The following CACNA1C variants were observed in gnomAD, a reference collection of about 807,000 sequenced individuals.
CACNA1C encodes the protein voltage-dependent L-type calcium channel subunit alpha-1C.
A neutral mutation model predicts 229.0 loss-of-function variants in CACNA1C; 30 were observed. The observed-to-expected ratio is 0.13, with a 90% CI of 0.10 to 0.18. The LOEUF (loss-of-function observed/expected upper bound fraction) is 0.18, where lower values mean the gene tolerates loss of function less well. Among genes scored for constraint, CACNA1C ranks in the 10% least tolerant of loss-of-function variants. The pLI is 1.00. For missense variants in CACNA1C, 1,658 were observed against 2,845.0 expected, an observed-to-expected ratio of 0.58 and a Z score of 9.49; for synonymous variants, 1,114 against 1,132.5, an observed-to-expected ratio of 0.98 and a Z score of 0.33.
intron 3 of CACNA1C, among the ~76,000 whole-genome samples, chr12:2,360,449 G>A (rs1450675156): frequency 6.6e-6 from 1 of 152,128 alleles, no homozygotes; most frequent in Non-Finnish European, 1.5e-5. Flanking sequence ...AAGAACCCCT[G>A]CGTCTCTCCC....
At chr12:2,662,122 G>A (rs1291822535) in intron 34 of CACNA1C, among the ~76,000 whole-genome samples, 1 of 151,924 alleles carries the variant, frequency 6.6e-6, no homozygotes, top group African/African-American at 2.4e-5. Context: ...GGCGCCTGTA[G>A]TCCCAGCTAC....
At chr12:2,129,107 C>T (rs755693255) in intron 3 of CACNA1C, among the ~76,000 whole-genome samples, 6 of 152,166 alleles carry the variant, frequency 3.9e-5, no homozygotes, top group East Asian at 1.9e-4. Context: ...ATGGTGTTCC[C>T]GGGCTCACAC....
intron 3 of CACNA1C, among the ~76,000 whole-genome samples, chr12:2,373,600 C>A (rs546206200): frequency 1.3e-5 from 2 of 151,922 alleles, no homozygotes; most frequent in Non-Finnish European, 2.9e-5. Flanking sequence ...ATTCAGGGGC[C>A]GCAGCTGTAG....
Position 2,354,892 on chromosome 12 carries a change from G to A in CACNA1C, c.478-94084G>A, listed in dbSNP as rs1234785064. Among the ~76,000 whole-genome samples, 1 of 152,032 alleles carries A rather than the reference G, an allele frequency of 6.6e-6. No individual in the cohort carries two copies. The highest frequency in any genetic ancestry group is 1.9e-4 in the East Asian group (1 of 5,170). ...CCCCGCAGCTTTAGATTCCATTTTG[G>A]TGAGGAAATTTACATTACCCAGGTG... is the stretch of plus-strand genomic sequence containing the variant. On this transcript the variant is annotated intron_variant, in intron 3 of 46. Transcript: ENST00000399655. This position sits in a 1 kb window ranked among gnomAD's most constrained non-coding sequence, Gnocchi z 4.6.
At chr12:1,994,502 C>T (rs1394791490) in intron 1 of CACNA1C, among the ~76,000 whole-genome samples, 1 of 152,146 alleles carries the variant, frequency 6.6e-6, no homozygotes, top group Middle Eastern at 3.2e-3. Context: ...TGGTGGTAAG[C>T]ATACAATCAA....
chr12:2,682,852 C>G, intron 43 of CACNA1C, among the ~76,000 whole-genome samples, 174 bp downstream of exon 43: 1 of 34,062 alleles, frequency 2.9e-5, no homozygotes, highest in Admixed American at 4.8e-4. Context: ...AGCCCCCCAA[C>G]ACACAACACA....
intron 3 of CACNA1C, among the ~76,000 whole-genome samples, chr12:2,344,703 T>C (rs1235456074): frequency 1.3e-5 from 2 of 151,964 alleles, no homozygotes; most frequent in African/African-American, 4.8e-5. Flanking sequence ...TGTGTGTCCC[T>C]GTGTGTGTGG....
intron 3 of CACNA1C, among the ~76,000 whole-genome samples, chr12:2,175,028 G>GT (rs1199049307): frequency 6.7e-6 from 1 of 149,014 alleles, no homozygotes; most frequent in Non-Finnish European, 1.5e-5. Context: ...AAATCCACAT[G>GT]TAAGTGACCC....
intron 3 of CACNA1C, among the ~76,000 whole-genome samples, chr12:2,296,958 G>A (rs908882567): frequency 2.0e-5 from 3 of 152,200 alleles, no homozygotes; most frequent in South Asian, 2.1e-4. Flanking sequence ...AGAGATGACT[G>A]AGGAAACAGA....
chr12:2,115,140 T>C, intron 1 of CACNA1C, 84 bp from the exon 2 acceptor site: 1 of 1,110,356 alleles, frequency 9.0e-7, no homozygotes, highest in Non-Finnish European at 1.3e-6. Flanking sequence ...TTTGAAAAAA[T>C]TGTGAATCTG....
At chr12:2,587,988 C>T (rs1016054883) in intron 18 of CACNA1C, among the ~76,000 whole-genome samples, 1 of 152,194 alleles carries the variant, frequency 6.6e-6, no homozygotes, top group African/African-American at 2.4e-5. Context: ...GCTCTTAAAG[C>T]TGGTGGCCCC....
chr12:2,114,897 C>G lies in CACNA1C; in HGVS notation c.50-327C>G, dbSNP rs4765896. ...GTTCTTAAAATATGTATTTTAATTT[C>G]TAGGTAATGTGTTGTGTTGTATCTG... On this transcript the variant is annotated intron_variant, in intron 1 of 46. Transcript: ENST00000399655. Among the ~76,000 whole-genome samples, 151,656 of 152,358 alleles carry G rather than the reference C, an allele frequency of 1. 75,484 individuals are homozygous for G. Among genetic ancestry groups the G allele is most frequent in the East Asian group, 1 (5,177 of 5,178 alleles).
intron 3 of CACNA1C, among the ~76,000 whole-genome samples, chr12:2,393,357 C>T (rs1172214687): frequency 6.6e-6 from 1 of 152,228 alleles, no homozygotes; most frequent in Non-Finnish European, 1.5e-5. Flanking sequence ...TCAAACCCTG[C>T]TGGCTGGCCC....
intron 3 of CACNA1C, among the ~76,000 whole-genome samples, chr12:2,154,120 G>A (rs998429159): frequency 6.6e-6 from 1 of 152,190 alleles, no homozygotes; most frequent in African/African-American, 2.4e-5. Context: ...CCACCCAGAG[G>A]AGTTCTTTTT....
chr12:2,462,298 T>C (rs995626273), intron 5 of CACNA1C, among the ~76,000 whole-genome samples: 2 of 143,316 alleles, frequency 1.4e-5, no homozygotes, highest in East Asian at 4.2e-4. Flanking sequence ...CCCCCTCGGC[T>C]CAGCTCTCAT....
intron 3 of CACNA1C, among the ~76,000 whole-genome samples, chr12:2,290,376 T>G (rs929255601): frequency 5.3e-5 from 8 of 152,220 alleles, no homozygotes; most frequent in African/African-American, 1.9e-4. Context: ...TCAGAGACAA[T>G]GGTGTTGACT....
At chr12:2,192,152 C>T (rs1373003294) in intron 3 of CACNA1C, among the ~76,000 whole-genome samples, 3 of 152,186 alleles carry the variant, frequency 2.0e-5, no homozygotes, top group South Asian at 2.1e-4. Flanking sequence ...TCAGCCTGCA[C>T]TCAAGTTTTT....
intron 13 of CACNA1C, among the ~76,000 whole-genome samples, chr12:2,580,065 G>T (rs969108187): frequency 2.0e-5 from 3 of 152,220 alleles, no homozygotes; most frequent in Non-Finnish European, 4.4e-5. Context: ...GGGTTGTACA[G>T]AATTTATATA....
rs181620606 is a variant in CACNA1C at position 2,275,096 on chromosome 12, C to G, written c.477+154666C>G. Among the ~76,000 whole-genome samples, 6 of 152,342 alleles carry G rather than the reference C, an allele frequency of 3.9e-5. No homozygotes were observed. The East Asian group carries it at 1.2e-3, about 29-fold the overall frequency. On this transcript the variant is annotated intron_variant, in intron 3 of 46. Transcript: ENST00000399655. The surrounding 1 kb of genome is among the most constrained non-coding windows in gnomAD (Gnocchi z 4.1). ...GGAAAGGACCGTAATTACCTCCTAA[C>G]AGGTTTCCACATTTCTCTGCTGTCA...
Sources: allele counts gnomAD v4.1 joint callset (sites outside exome capture counted in the v4.1 genomes callset), GRCh38; gene constraint gnomAD v4.1.1; non-coding constraint Gnocchi (gnomAD v3.1); transcripts MANE v1.5; gene names NCBI Gene and HGNC (gene_info 2026-07-23, HGNC 2026-07-21).